Variants in PRKDC observed in about 807,000 individuals in gnomAD.
PRKDC encodes protein kinase, DNA-activated, catalytic subunit.
In PRKDC, 82 loss-of-function variants were observed where a neutral mutation model predicts 486.9. That is an observed-to-expected ratio of 0.17 (90% CI 0.14 to 0.20). PRKDC has a LOEUF of 0.20. PRKDC is among the 10% of genes least tolerant of loss of function. PRKDC has a pLI of 1.00. For missense variants in PRKDC, 4,504 were observed against 5,038.2 expected, an observed-to-expected ratio of 0.89 and a Z score of 3.21; for synonymous variants, 1,895 against 1,837.0, an observed-to-expected ratio of 1.03 and a Z score of -0.81.
Position 47,890,333 on chromosome 8 carries a change from T to C in PRKDC, c.3995A>G (p.Tyr1332Cys). ...CCGGACCACAACGGTGCATTTGCTG[T>C]AGTTGTACCTTTCTCCCTCTTGTGG... ...TSPQEGERYN[Y>C]SKCTVVVRIM... The change falls in exon 32 of 86, where the codon TAC (tyrosine) becomes TGC (cysteine). Residue 1332 changes from tyrosine (Y) to cysteine (C), a missense_variant. Around this residue, in one of 6 missense-constraint regions of PRKDC, gnomAD observed 1,969 missense variants for 2,068.9 expected, o/e 0.95. Coordinates refer to ENST00000314191, the MANE Select transcript of PRKDC (RefSeq NM_006904.7). The C allele has an allele frequency of 6.2e-7, 1 of 1,613,524 alleles. No homozygotes were observed. Among genetic ancestry groups the C allele is most frequent in the Non-Finnish European group, 8.5e-7 (1 of 1,179,824 alleles).
rs143833658 is a variant in PRKDC at position 47,872,855 on chromosome 8, C to T, written c.5363+4869G>A. Among the ~76,000 whole-genome samples the T allele has an allele frequency of 7.0e-3, 1,061 of 152,280 alleles. 10 individuals are homozygous for T. Among genetic ancestry groups the T allele is most frequent in the Non-Finnish European group, 9.8e-3 (670 of 68,026 alleles). ...AACAACAGCTGAAGACTTCAACACC[C>T]CGCCTTCAGGATTGGACAGATCTTC... On this transcript the variant is annotated intron_variant, in intron 40 of 85. Transcript: ENST00000314191.
At chr8:47,796,278 C>T (rs1473069612) in intron 73 of PRKDC, among the ~76,000 whole-genome samples, 1 of 151,906 alleles carries the variant, frequency 6.6e-6, no homozygotes, top group East Asian at 1.9e-4. Context: ...TTTAAAATCA[C>T]TGTCGAGCCG....
chr8:47,784,860 T>C (rs1419230235), intron 77 of PRKDC, among the ~76,000 whole-genome samples: 1 of 152,234 alleles, frequency 6.6e-6, no homozygotes, highest in Non-Finnish European at 1.5e-5. Flanking sequence ...TTTACCATTA[T>C]TACCAAATGA....
chr8:47,822,909 C>T (rs1244441388), intron 64 of PRKDC, among the ~76,000 whole-genome samples: 2 of 152,208 alleles, frequency 1.3e-5, no homozygotes, highest in African/African-American at 4.8e-5. Flanking sequence ...AACTTATATT[C>T]ATCTTCCCAA....
At chr8:47,837,000 T>C (rs1337073831) in intron 57 of PRKDC, among the ~76,000 whole-genome samples, 1 of 152,098 alleles carries the variant, frequency 6.6e-6, no homozygotes, top group Non-Finnish European at 1.5e-5. Flanking sequence ...GGGAAAGCAA[T>C]GGCGATCCTG....
chr8:47,811,216 C>T (rs968187415), intron 68 of PRKDC, among the ~76,000 whole-genome samples: 7 of 152,208 alleles, frequency 4.6e-5, no homozygotes, highest in Non-Finnish European at 7.4e-5. Context: ...TGGGCCACAA[C>T]GATGGGAATA....
chr8:47,927,460 T>C (rs1260609778), intron 20 of PRKDC, 107 bp from the exon 21 acceptor site: 1 of 1,283,446 alleles, frequency 7.8e-7, no homozygotes, highest in Non-Finnish European at 1.1e-6. Flanking sequence ...TTTTTATTAC[T>C]GGATGCCCGA....
At chr8:47,926,047 T>C (rs2090152216) in intron 21 of PRKDC, among the ~76,000 whole-genome samples, 1 of 152,220 alleles carries the variant, frequency 6.6e-6, no homozygotes, top group African/African-American at 2.4e-5. Context: ...TTTAAAACAA[T>C]CACAGTAACT....
At chr8:47,784,479 T>C (rs2086757582) in intron 77 of PRKDC, among the ~76,000 whole-genome samples, 1 of 152,156 alleles carries the variant, frequency 6.6e-6, no homozygotes, top group African/African-American at 2.4e-5. Context: ...CAAAGAAAAG[T>C]GTTTCTCCAA....
Position 47,849,297 on chromosome 8 carries a change from C to G in PRKDC, c.7137G>C (p.Met2379Ile), listed in dbSNP as rs955307342. Residue 2379 changes from methionine to isoleucine, a missense_variant, in exon 54 of 86, where the codon ATG (methionine) becomes ATC (isoleucine). Physicochemically the swap from Met to Ile is conservative, Grantham distance 10. Coordinates refer to ENST00000314191, the MANE Select transcript of PRKDC (RefSeq NM_006904.7). ...KSFPPLADRF[M>I]NAVFFLLPKF... ...TTGGCAGCAGAAAGAACACAGCATT[C>G]ATGAACCTGGCGGGGAAGGGAACTG... 3.7e-6 allele frequency: 6 copies of G among 1,613,854 alleles called. No homozygotes were observed. Among genetic ancestry groups the G allele is most frequent in the African/African-American group, 1.3e-5 (1 of 74,914 alleles).
intron 7 of PRKDC, among the ~76,000 whole-genome samples, chr8:47,944,404 A>C (rs2090495300): frequency 6.6e-6 from 1 of 151,844 alleles, no homozygotes; most frequent in Non-Finnish European, 1.5e-5. Flanking sequence ...AAATAAAGTA[A>C]CTTACTCATG....
At chr8:47,777,023 G>A in intron 84 of PRKDC, 40 bp from the exon 85 acceptor site, 1 of 1,588,186 alleles carries the variant, frequency 6.3e-7, no homozygotes. Context: ...TGATCATAAT[G>A]GTATATACAA....
rs936833226 is a variant in PRKDC at position 47,860,367 on chromosome 8, G to A, written c.6058+532C>T. 5.3e-5 allele frequency among the ~76,000 whole-genome samples: 8 copies of A among 152,322 alleles called. No individual in the cohort carries two copies. The East Asian group carries it at 7.7e-4, about 15-fold the overall frequency. On this transcript the variant is annotated intron_variant, in intron 45 of 85. Coordinates refer to ENST00000314191, the MANE Select transcript of PRKDC (RefSeq NM_006904.7). ...GGAAACTGCAAGTGCACACGACCTA[G>A]GGCAAAAGCAGGCCTGGCGCCTACA...
chr8:47,862,900 ATTTG>A (rs1172757646), intron 42 of PRKDC, among the ~76,000 whole-genome samples: 6 of 152,196 alleles, frequency 3.9e-5, no homozygotes, highest in Non-Finnish European at 8.8e-5. Context: ...GTAATAATGA[ATTTG>A]TTTGGTGATG....
At chr8:47,936,705 C>T (rs917445199) in intron 11 of PRKDC, among the ~76,000 whole-genome samples, 188 bp from the exon 12 acceptor site, 2 of 151,872 alleles carry the variant, frequency 1.3e-5, no homozygotes, top group Admixed American at 6.6e-5. Flanking sequence ...CAACCTCCAA[C>T]TCCCAGGTTC....
In PRKDC at chr8:47,949,483, A is replaced by ACT. The variant is rs201704162; in HGVS notation, c.721+4135_721+4136dup. ...AGTCCTTAACACACAATAAATGAGC[A>ACT]CTAAGTGCTACTATTTTCCTTCCAC... is the stretch of plus-strand genomic sequence containing the variant. On this transcript the variant is annotated intron_variant, in intron 7 of 85. Transcript: ENST00000314191. 1.2e-3 allele frequency among the ~76,000 whole-genome samples: 189 copies of ACT among 152,328 alleles called. 3 individuals carry two copies. The East Asian group carries it at 0.035, about 28-fold the overall frequency.
At chr8:47,882,323 T>C (rs2089237703) in intron 36 of PRKDC, among the ~76,000 whole-genome samples, 1 of 152,256 alleles carries the variant, frequency 6.6e-6, no homozygotes, top group Non-Finnish European at 1.5e-5. Flanking sequence ...CTCATCCAGC[T>C]TCTCCTGGCT....
intron 74 of PRKDC, 25 bp downstream of exon 74, chr8:47,794,265 C>A: frequency 6.4e-7 from 1 of 1,565,764 alleles, no homozygotes; most frequent in Non-Finnish European, 8.8e-7. Context: ...TTTGATCAAC[C>A]TATTCCTTCT....
intron 22 of PRKDC, 144 bp from the exon 23 acceptor site, chr8:47,915,562 C>A: frequency 1.8e-6 from 1 of 552,564 alleles, no homozygotes; most frequent in South Asian, 2.7e-5. Context: ...ATCCTTTCCA[C>A]TCTTAAGAAA....
Sources: allele counts gnomAD v4.1 joint callset (sites outside exome capture counted in the v4.1 genomes callset), GRCh38; gene constraint gnomAD v4.1.1; regional missense constraint gnomAD v4.1.1; transcripts MANE v1.5; gene names NCBI Gene and HGNC (gene_info 2026-07-23, HGNC 2026-07-21).